BRF1: variants seen among roughly 807,000 people sequenced by gnomAD.
BRF1 encodes the protein BRF1 general transcription factor IIIB subunit, also known as transcription factor IIIB 90 kDa subunit.
Under a neutral mutation model 81.7 loss-of-function variants are expected in BRF1, and 59 were observed. The observed-to-expected ratio is 0.72, with a 90% CI of 0.59 to 0.90. The LOEUF (loss-of-function observed/expected upper bound fraction) is 0.90, where lower values mean the gene tolerates loss of function less well. Among genes scored for constraint, BRF1 ranks in the 40% least tolerant of loss-of-function variants. BRF1 has a pLI of 0.00. For synonymous variants in BRF1, 491 were observed against 395.6 expected (o/e 1.24, Z -2.86); for missense variants, 1,050 against 936.3 (o/e 1.12, Z -1.58).
intron 3 of BRF1, among the ~76,000 whole-genome samples, chr14:105,264,392 C>T (rs1034863151): frequency 4.6e-5 from 7 of 151,474 alleles, no homozygotes; most frequent in African/African-American, 1.5e-4. Flanking sequence ...TGGCCAGGCG[C>T]GATTGCTCAC....
chr14:105,225,640 A>G (rs1022116944), intron 10 of BRF1, among the ~76,000 whole-genome samples: 1 of 145,198 alleles, frequency 6.9e-6, no homozygotes, highest in African/African-American at 2.8e-5. Context: ...TTGTAGGGGA[A>G]ACTTACATTC....
At chr14:105,226,929 T>TA in intron 7 of BRF1, 169 bp from the exon 8 acceptor site, 3 of 847,678 alleles carry the variant, frequency 3.5e-6, no homozygotes, top group Non-Finnish European at 5.3e-6. Flanking sequence ...GGCAACACAG[T>TA]GAGACTCTGT....
At chr14:105,243,138 C>A (rs587743663) in intron 5 of BRF1, among the ~76,000 whole-genome samples, 4 of 149,274 alleles carry the variant, frequency 2.7e-5, no homozygotes, top group African/African-American at 4.9e-5. Flanking sequence ...AACAAACAAA[C>A]AAAAAAATTA....
At chr14:105,248,608 G>A (rs587646414) in intron 5 of BRF1, 6 of 975,102 alleles carry the variant, frequency 6.2e-6, no homozygotes, top group Non-Finnish European at 7.3e-6. Flanking sequence ...CCCCGCGGCC[G>A]GGCCTGGCCG....
rs2058517205 is a variant in BRF1, at chr14:105,315,153, C to CT, written c.-162+168_-162+169insA. ...TCCCCCAGCGGAGCCCAGGTCGCCC[C>CT]CCGCGCCCCCGCCCGCCGGTTCGAC... On this transcript the variant is annotated intron_variant, in intron 1 of 17. Transcript: ENST00000327359. The surrounding 1 kb of genome is among the most constrained non-coding windows in gnomAD (Gnocchi z 4.4). 1 of 543,128 alleles carries CT rather than the reference C, an allele frequency of 1.8e-6. No homozygotes were observed. The highest frequency in any genetic ancestry group is 2.4e-6 in the Non-Finnish European group (1 of 417,672). 33.6% of individuals were successfully genotyped at this position (543,128 alleles called of 1,614,324 possible).
At chr14:105,229,149 A>C (rs911450347) in intron 6 of BRF1, among the ~76,000 whole-genome samples, 3 of 152,240 alleles carry the variant, frequency 2.0e-5, no homozygotes, top group Non-Finnish European at 4.4e-5. Flanking sequence ...GAAAATTAAA[A>C]TGAAGGCTTC....
At chr14:105,312,387 C>T (rs1417833300) in intron 1 of BRF1, among the ~76,000 whole-genome samples, 1 of 152,222 alleles carries the variant, frequency 6.6e-6, no homozygotes, top group African/African-American at 2.4e-5. Context: ...GTGGTAGGAC[C>T]AGCTTTCAGG....
intron 3 of BRF1, among the ~76,000 whole-genome samples, chr14:105,260,630 C>T (rs1227207494): frequency 6.6e-6 from 1 of 152,160 alleles, no homozygotes; most frequent in Non-Finnish European, 1.5e-5. Flanking sequence ...CTCACCTCAG[C>T]CTCCCAAAGT....
intron 5 of BRF1, chr14:105,247,259 G>A: frequency 1.1e-5 from 11 of 985,408 alleles, no homozygotes; most frequent in Non-Finnish European, 1.3e-5. Context: ...CTTTCCAAAC[G>A]GCTTGGCCGT....
intron 1 of BRF1, among the ~76,000 whole-genome samples, chr14:105,311,668 C>T (rs587664020): frequency 6.6e-6 from 1 of 152,322 alleles, no homozygotes; most frequent in Admixed American, 6.5e-5. Context: ...TGATTCCAGG[C>T]CTCACTCTCA....
At chr14:105,310,662 G>A (rs1445971854) in intron 1 of BRF1, among the ~76,000 whole-genome samples, 1 of 152,186 alleles carries the variant, frequency 6.6e-6, no homozygotes, top group Non-Finnish European at 1.5e-5. Flanking sequence ...TCAGGACGGG[G>A]CGCAGCCCCA....
In BRF1 at chr14:105,210,415, G is replaced by T; in HGVS notation, c.*136C>A. 1 of 892,990 alleles carries T rather than the reference G, an allele frequency of 1.1e-6. No individual in the cohort carries two copies. Among genetic ancestry groups the T allele is most frequent in the Non-Finnish European group, 1.7e-6 (1 of 579,544 alleles). The allele number at this position is 892,990 out of a possible 1,614,324, so 55.3% of individuals were successfully genotyped here. A position where few individuals can be genotyped will look rare whatever the true frequency, so the allele number is the denominator to read the frequency against. ...AATGGTAAGTTCCACATGGGACGAG[G>T]GCTGTGGGACAGGTGCCACCTGTCA... On this transcript the variant is annotated 3_prime_UTR_variant, in exon 18 of 18. Coordinates refer to ENST00000547530, the MANE Select transcript of BRF1 (RefSeq NM_001519.4). This position sits in a 1 kb window ranked among gnomAD's most constrained non-coding sequence, Gnocchi z 4.7.
chr14:105,221,036 G>A (rs587597911), intron 11 of BRF1, among the ~76,000 whole-genome samples: 12 of 152,318 alleles, frequency 7.9e-5, no homozygotes, highest in African/African-American at 2.9e-4. Flanking sequence ...ATAAACATTC[G>A]CCTGGCTCCT....
Position 105,219,131 on chromosome 14 carries a change from T to G in BRF1, c.1459+20A>C. On this transcript the variant is annotated intron_variant, in intron 13 of 17. Coordinates refer to ENST00000547530, the MANE Select transcript of BRF1 (RefSeq NM_001519.4). ...GGGGACTGTGCGTCCTGCGTGTGAG[T>G]GTGGGCGGGTGGCGCTTACCCCTCT... 6.2e-7 allele frequency: 1 copy of G among 1,612,676 alleles called. No homozygotes were observed. Among genetic ancestry groups the G allele is most frequent in the Non-Finnish European group, 8.5e-7 (1 of 1,178,924 alleles).
chr14:105,302,226 G>T (rs1211319880), upstream of BRF1, among the ~76,000 whole-genome samples: 1 of 144,000 alleles, frequency 6.9e-6, no homozygotes, highest in African/African-American at 2.6e-5. Context: ...TTTTTGAGAC[G>T]GAGTCTCTGC....
intron 1 of BRF1, among the ~76,000 whole-genome samples, chr14:105,310,533 C>A (rs1236076899): frequency 2.8e-3 from 226 of 79,576 alleles, no homozygotes; most frequent in East Asian, 0.013. Flanking sequence ...GACTCTGTCT[C>A]AAAAAAAAAA....
At chr14:105,229,042 C>A (rs967922084) in intron 6 of BRF1, 129 bp from the exon 7 acceptor site, 1 of 806,992 alleles carries the variant, frequency 1.2e-6, no homozygotes, top group Non-Finnish European at 2.1e-6. Context: ...CTGTGCCAGG[C>A]AGTGAGACCC....
At chr14:105,291,723 C>T (rs1256856775) in intron 1 of BRF1, among the ~76,000 whole-genome samples, 1 of 151,962 alleles carries the variant, frequency 6.6e-6, no homozygotes, top group Admixed American at 6.6e-5. Context: ...TCTGGCCGGG[C>T]GTGGTGGCTC....
At chr14:105,218,507 C>T (rs587595885) in intron 14 of BRF1, among the ~76,000 whole-genome samples, 30 of 152,324 alleles carry the variant, frequency 2.0e-4, no homozygotes, top group African/African-American at 7.2e-4. Flanking sequence ...AGGCAGGGAA[C>T]TGGCTCCCCG....
Sources: allele counts gnomAD v4.1 joint callset (sites outside exome capture counted in the v4.1 genomes callset), GRCh38; gene constraint gnomAD v4.1.1; non-coding constraint Gnocchi (gnomAD v3.1); transcripts MANE v1.5; gene names NCBI Gene and HGNC (gene_info 2026-07-23, HGNC 2026-07-21).